Variants in SLC27A1 observed in about 807,000 individuals in gnomAD.
SLC27A1 encodes solute carrier family 27 member 1.
Under a neutral mutation model 62.2 loss-of-function variants are expected in SLC27A1, and 61 were observed. The ratio of observed to expected loss-of-function variants is 0.98; its 90% CI spans 0.80 to 1.21. The LOEUF is 1.21. SLC27A1 is among the 50% of genes most tolerant of loss of function. The pLI is 0.00. For missense variants in SLC27A1, 903 were observed against 932.1 expected, an observed-to-expected ratio of 0.97 and a Z score of 0.41; for synonymous variants, 435 against 408.6, an observed-to-expected ratio of 1.06 and a Z score of -0.78.
intron 6 of SLC27A1, among the ~76,000 whole-genome samples, chr19:17,493,155 C>T (rs558462733): frequency 7.5e-4 from 113 of 150,278 alleles, no homozygotes; most frequent in Non-Finnish European, 3.1e-4. Flanking sequence ...AGGACAGGGC[C>T]GGGCGCGGCG....
chr19:17,485,598 G>A lies in SLC27A1; in HGVS notation c.168-965G>A, dbSNP rs117447686. On this transcript the variant is annotated intron_variant, in intron 1 of 11. Transcript: ENST00000252595. ...TAATTCCAATACTTTGGGAGGCCAG[G>A]GCTGGTGGATTACCTGAGGTCAGGA... Among the ~76,000 whole-genome samples the A allele has an allele frequency of 3.0e-3, 457 of 151,948 alleles. 4 individuals are homozygous for A. The highest frequency in any genetic ancestry group is 5.7e-3 in the Non-Finnish European group (384 of 67,960).
intron 1 of SLC27A1, among the ~76,000 whole-genome samples, chr19:17,484,828 G>C (rs771489335): frequency 3.9e-5 from 6 of 152,188 alleles, no homozygotes; most frequent in Non-Finnish European, 8.8e-5. Flanking sequence ...GCCATTGCAG[G>C]GATCTGGGGA....
At chr19:17,474,943 G>A (rs1387031608) in intron 1 of SLC27A1, among the ~76,000 whole-genome samples, 3 of 148,312 alleles carry the variant, frequency 2.0e-5, no homozygotes, top group African/African-American at 2.5e-5. Context: ...TTTTTGAGAC[G>A]GAGTCTTGCT....
At chr19:17,504,298 GA>G (rs1159925604) in intron 11 of SLC27A1, among the ~76,000 whole-genome samples, 156 bp from the exon 12 acceptor site, 2 of 152,166 alleles carry the variant, frequency 1.3e-5, no homozygotes, top group African/African-American at 2.4e-5. Context: ...GCCAGGATCT[GA>G]CAGACAAGGG....
chr19:17,487,490 C>T lies in SLC27A1; in HGVS notation c.755C>T (p.Thr252Ile). 1 of 1,609,714 alleles carries T rather than the reference C, an allele frequency of 6.2e-7. No individual in the cohort carries two copies. Among genetic ancestry groups the T allele is most frequent in the South Asian group, 1.1e-5 (1 of 90,922 alleles). ...DRLFYIYTSG[T>I]TGLPKAAIVV... ...CTTTTCTACATCTACACGTCGGGGA[C>T]CACCGGGCTGCCCAAGGCTGCCATT... The change falls in exon 4 of 12, where the codon ACC (threonine) becomes ATC (isoleucine). Residue 252 changes from threonine (T) to isoleucine (I), a missense_variant. Physicochemically the swap from Thr to Ile is moderately conservative, Grantham distance 89. Coordinates refer to ENST00000252595, the MANE Select transcript of SLC27A1 (RefSeq NM_198580.3).
At position 17,504,763 on chromosome 19, in the gene SLC27A1, C is replaced by T. The variant is rs1167267050; in HGVS notation, c.*151C>T. 1 of 1,025,780 alleles carries T rather than the reference C, an allele frequency of 9.7e-7. No homozygotes were observed. The highest frequency in any genetic ancestry group is 1.5e-6 in the Non-Finnish European group (1 of 679,286). 63.5% of individuals were successfully genotyped at this position (1,025,780 alleles called of 1,614,324 possible). A position where few individuals can be genotyped will look rare whatever the true frequency, so the allele number is the denominator to read the frequency against. On this transcript the variant is annotated 3_prime_UTR_variant, in exon 12 of 12. Transcript: ENST00000252595. ...ATCCTGGACTGAGAAACTGGAACCTCAGAGGAACCCGTGCCTCTCTGCTGC... is the reference window on the plus strand; with the variant it reads ...ATCCTGGACTGAGAAACTGGAACCTTAGAGGAACCCGTGCCTCTCTGCTGC...
intron 6 of SLC27A1, among the ~76,000 whole-genome samples, chr19:17,494,976 C>CTT (rs56104169): frequency 0.01 from 1,479 of 144,992 alleles, 26 homozygotes; most frequent in African/African-American, 0.027. Flanking sequence ...AAATCCTTGC[C>CTT]TTTTTTTTTT....
chr19:17,491,642 C>T lies in SLC27A1; in HGVS notation c.996+2525C>T, dbSNP rs571943342. Among the ~76,000 whole-genome samples, 29 of 152,190 alleles carry T rather than the reference C, an allele frequency of 1.9e-4. No individual in the cohort carries two copies. The Middle Eastern group carries it at 0.014, about 71-fold the overall frequency. On this transcript the variant is annotated intron_variant, in intron 6 of 11. Coordinates refer to ENST00000252595, the MANE Select transcript of SLC27A1 (RefSeq NM_198580.3). ...ATCCCAGCACTTTGGGAAGCCGAGG[C>T]GGGAGGATCGCTTGAGCCCAAGAGT...
In SLC27A1 at chr19:17,470,705, C is replaced by T; in HGVS notation, c.165C>T (p.Leu55=). The T allele has an allele frequency of 1.9e-6, 3 of 1,579,588 alleles. No individual in the cohort carries two copies. Among genetic ancestry groups the T allele is most frequent in the South Asian group, 1.1e-5 (1 of 87,936 alleles). ...TCTGCAAGACCGCGAGGCGAGACCT[C>T]TTGTGAGTGTTGCCGGGATCCGTCC... The part of the protein sequence containing the change: ...RIVCKTARRD[L]FGLSVLIRVR... Residue 55 remains leucine, a splice_region_variant and synonymous_variant, in exon 1 of 12, where the codon CTC becomes CTT. Coordinates refer to ENST00000252595, the MANE Select transcript of SLC27A1 (RefSeq NM_198580.3).
chr19:17,472,780 G>C (rs1427497682), intron 1 of SLC27A1, among the ~76,000 whole-genome samples: 2 of 152,060 alleles, frequency 1.3e-5, no homozygotes, highest in Non-Finnish European at 2.9e-5. Context: ...GCCTGCCTTG[G>C]CCTCCTAAAG....
intron 6 of SLC27A1, among the ~76,000 whole-genome samples, chr19:17,495,008 T>C (rs2075334356): frequency 6.6e-6 from 1 of 151,022 alleles, no homozygotes; most frequent in Non-Finnish European, 1.5e-5. Context: ...AGTCTCACTC[T>C]TGTCCCCAGG....
In SLC27A1 at chr19:17,500,447, C is replaced by T. The variant is rs1327753803; in HGVS notation, c.1333+43C>T. 3 of 1,612,252 alleles carry T rather than the reference C, an allele frequency of 1.9e-6. No homozygotes were observed. In the Admixed American group the frequency reaches 5.0e-5, roughly 27 times the overall value. ...ATGGTCCCCACCCGGAGCAGGGGTCCCCACGCCCTGCCTGCCTAGCGCAGC... is the reference window on the plus strand; with the variant it reads ...ATGGTCCCCACCCGGAGCAGGGGTCTCCACGCCCTGCCTGCCTAGCGCAGC... On this transcript the variant is annotated intron_variant, in intron 8 of 11. Transcript: ENST00000252595.
intron 1 of SLC27A1, among the ~76,000 whole-genome samples, chr19:17,472,320 C>T (rs1007636697): frequency 6.0e-5 from 9 of 149,802 alleles, no homozygotes; most frequent in Non-Finnish European, 1.0e-4. Context: ...GTGTGAACCC[C>T]GGAGGCGGAG....
chr19:17,496,791 C>T (rs1166269680), intron 6 of SLC27A1: 2 of 157,008 alleles, frequency 1.3e-5, no homozygotes, highest in African/African-American at 4.8e-5. Flanking sequence ...GTGGCTCACA[C>T]CTGGAATCTC....
upstream of SLC27A1, chr19:17,470,515 G>T (rs1323312616): frequency 6.6e-7 from 1 of 1,521,762 alleles, no homozygotes; most frequent in East Asian, 2.6e-5. Flanking sequence ...GCGGCCCGCG[G>T]CCTCAGCTCT....
chr19:17,501,561 TG>T lies in SLC27A1; in HGVS notation c.1783+145del. Reference sequence around the variant, plus strand: ...GCTCACGCCTGTAATCCCAGCACTTTGGGAGGCCGAGGCGGGCGGATCACGA... The same window carrying T: ...GCTCACGCCTGTAATCCCAGCACTTTGGAGGCCGAGGCGGGCGGATCACGA... On this transcript the variant is annotated intron_variant, in intron 11 of 11. Coordinates refer to ENST00000252595, the MANE Select transcript of SLC27A1 (RefSeq NM_198580.3). The T allele has an allele frequency of 5.1e-6, 6 of 1,170,048 alleles. No individual in the cohort carries two copies. The Admixed American group carries it at 1.5e-4, about 30-fold the overall frequency. The allele number at this position is 1,170,048 out of a possible 1,614,324, so 72.5% of individuals were successfully genotyped here.
Position 17,487,327 on chromosome 19 carries a change from G to C in SLC27A1, c.716G>C (p.Gly239Ala). The stretch of plus-strand genomic sequence containing the variant: ...CCCTTGGCACAGATCCCCAGCAAGG[G>C]CATGGACGGTGAGTCAAGGGTGGGA... ...TAPLAQIPSK[G>A]MDDRLFYIYT... Residue 239 changes from glycine (G) to alanine (A), a missense_variant, in exon 3 of 12, where the codon GGC becomes GCC. By Grantham distance (60) the Gly-to-Ala change is moderately conservative. Transcript: ENST00000252595. The C allele has an allele frequency of 1.2e-6, 2 of 1,610,184 alleles. No individual in the cohort carries two copies. Among genetic ancestry groups the C allele is most frequent in the Non-Finnish European group, 1.7e-6 (2 of 1,178,598 alleles).
At chr19:17,485,928 G>T (rs911419738) in intron 1 of SLC27A1, among the ~76,000 whole-genome samples, 1 of 152,188 alleles carries the variant, frequency 6.6e-6, no homozygotes, top group African/African-American at 2.4e-5. Context: ...TTCACTGGGG[G>T]CTCTGCAGTT....
chr19:17,473,652 A>G (rs1218652782), intron 1 of SLC27A1, among the ~76,000 whole-genome samples: 2 of 152,190 alleles, frequency 1.3e-5, no homozygotes, highest in Non-Finnish European at 2.9e-5. Flanking sequence ...ACCTGAGGTC[A>G]GGAGTTTGAG....
Sources: gnomAD v4.1 joint callset for allele counts (sites outside exome capture counted in the v4.1 genomes callset) on GRCh38, gnomAD v4.1.1 for gene constraint, MANE v1.5 for transcripts, NCBI Gene and HGNC (gene_info 2026-07-23, HGNC 2026-07-21) for gene names.